Variants in LMX1B observed in about 807,000 individuals in gnomAD.
LMX1B encodes LIM homeobox transcription factor 1 beta, also known as LIM homeobox transcription factor 1-beta.
A neutral mutation model predicts 51.4 loss-of-function variants in LMX1B; 12 were observed. That is an observed-to-expected ratio of 0.23 (90% CI 0.15 to 0.38). The LOEUF is 0.38. Ranked by LOEUF, LMX1B falls within the 10% of genes least tolerant of loss-of-function variation. LMX1B has a pLI of 1.00. For missense variants in LMX1B, 445 were observed against 571.1 expected, an observed-to-expected ratio of 0.78 and a Z score of 2.25; for synonymous variants, 237 against 235.4, an observed-to-expected ratio of 1.01 and a Z score of -0.06.
rs1320101032 is a variant in LMX1B, at chr9:126,697,465, TA to T, written c.*1015del. 2 of 152,608 alleles carry T rather than the reference TA, an allele frequency of 1.3e-5. No individual in the cohort carries two copies. Among genetic ancestry groups the T allele is most frequent in the Non-Finnish European group, 2.9e-5 (2 of 68,344 alleles). The allele number at this position is 152,608 out of a possible 1,614,324, so 9.5% of individuals were successfully genotyped here. Reference sequence around the variant, plus strand: ...CCAGCCACCTCTGCCTCCCCTCACATACCTCCAGTGACAAGGAGCTCACTAG... The same window carrying T: ...CCAGCCACCTCTGCCTCCCCTCACATCCTCCAGTGACAAGGAGCTCACTAG... On this transcript the variant is annotated 3_prime_UTR_variant, in exon 8 of 8. Coordinates refer to ENST00000373474, the MANE Select transcript of LMX1B (RefSeq NM_001174147.2).
At chr9:126,675,496 G>A (rs1836537187) in intron 2 of LMX1B, among the ~76,000 whole-genome samples, 1 of 152,056 alleles carries the variant, frequency 6.6e-6, no homozygotes, top group Non-Finnish European at 1.5e-5. Context: ...GGAGGCCGAG[G>A]CGGGCGGATC....
At chr9:126,635,873 T>C (rs1253054964) in intron 2 of LMX1B, among the ~76,000 whole-genome samples, 1 of 152,202 alleles carries the variant, frequency 6.6e-6, no homozygotes, top group Admixed American at 6.5e-5. Flanking sequence ...GAGGCTTAAC[T>C]GAACACTTGC....
chr9:126,654,063 T>C (rs1836068142), intron 2 of LMX1B, among the ~76,000 whole-genome samples: 1 of 152,146 alleles, frequency 6.6e-6, no homozygotes, highest in Non-Finnish European at 1.5e-5. Context: ...ATTCTTAGGA[T>C]AAGAATGTGG....
rs144294711 is a variant in LMX1B at position 126,645,091 on chromosome 9, C to T, written c.326+29522C>T. Among the ~76,000 whole-genome samples, 10 of 152,296 alleles carry T rather than the reference C, an allele frequency of 6.6e-5. 1 individual carries two copies. The highest frequency in any genetic ancestry group is 1.3e-4 in the Admixed American group (2 of 15,304). On this transcript the variant is annotated intron_variant, in intron 2 of 7. Coordinates refer to ENST00000373474, the MANE Select transcript of LMX1B (RefSeq NM_001174147.2). ...TGTGTTGTTCCAGCTCGCTTTGAAT[C>T]GCGTTCATCTGGCTGGGTTCCCCCC...
intron 2 of LMX1B, among the ~76,000 whole-genome samples, chr9:126,653,733 C>T (rs1836063090): frequency 6.6e-6 from 1 of 152,122 alleles, no homozygotes; most frequent in South Asian, 2.1e-4. Context: ...TTCATGACCA[C>T]ACTCAGCTCC....
At chr9:126,637,822 T>TG (rs1564151130) in intron 2 of LMX1B, among the ~76,000 whole-genome samples, 4 of 92,054 alleles carry the variant, frequency 4.3e-5, no homozygotes, top group Non-Finnish European at 8.7e-5. Context: ...GTGCCTGTCC[T>TG]CCCCCCCCCC....
At chr9:126,681,616 C>A (rs116568277) in intron 2 of LMX1B, among the ~76,000 whole-genome samples, 2,284 of 152,180 alleles carry the variant, frequency 0.015, 70 homozygotes, top group African/African-American at 0.052. Flanking sequence ...AAATGCCAAT[C>A]AGAGGCGGAC....
intron 2 of LMX1B, among the ~76,000 whole-genome samples, chr9:126,674,801 C>T (rs984161199): frequency 1.3e-5 from 2 of 152,208 alleles, no homozygotes; most frequent in Non-Finnish European, 2.9e-5. Context: ...AGCCAGGACC[C>T]GCTGTGCCTC....
chr9:126,628,565 G>T (rs576115294), intron 2 of LMX1B, among the ~76,000 whole-genome samples: 64 of 152,266 alleles, frequency 4.2e-4, no homozygotes, highest in African/African-American at 1.5e-3. Context: ...GAATCTCTAC[G>T]CTGCGAAACA....
chr9:126,627,919 A>T (rs770618380), intron 2 of LMX1B, among the ~76,000 whole-genome samples: 2 of 152,096 alleles, frequency 1.3e-5, no homozygotes, highest in East Asian at 3.9e-4. Flanking sequence ...TGGCTTTAAC[A>T]CTGGCCTACT....
chr9:126,655,203 G>A (rs1441415809), intron 2 of LMX1B, among the ~76,000 whole-genome samples: 1 of 152,230 alleles, frequency 6.6e-6, no homozygotes, highest in Non-Finnish European at 1.5e-5. Flanking sequence ...CCACTGTCAG[G>A]AGGTTGTCCG....
intron 2 of LMX1B, among the ~76,000 whole-genome samples, chr9:126,663,965 TATCTC>T (rs1836291592): frequency 6.6e-6 from 1 of 152,254 alleles, no homozygotes; most frequent in Non-Finnish European, 1.5e-5. Context: ...TTGCTGCTCT[TATCTC>T]TGCCTGGTAT....
In LMX1B at chr9:126,698,894, C is replaced by A. The variant is rs1439340573; in HGVS notation, c.*2443C>A. On this transcript the variant is annotated 3_prime_UTR_variant, in exon 8 of 8. Coordinates refer to ENST00000373474, the MANE Select transcript of LMX1B (RefSeq NM_001174147.2). ...CCATTGGGCCCCAGCAGCCAGCTAG[C>A]CCTTCTGCAGCTCTTCTTACAAACA... The A allele has an allele frequency of 6.6e-6, 1 of 152,358 alleles. No individual in the cohort carries two copies. The highest frequency in any genetic ancestry group is 1.9e-4 in the East Asian group (1 of 5,194). The allele number at this position is 152,358 out of a possible 1,614,324, so 9.4% of individuals were successfully genotyped here.
intron 2 of LMX1B, among the ~76,000 whole-genome samples, chr9:126,666,064 C>CCCTCAGGCAGCTTCTATGG (rs1210348090): frequency 6.6e-6 from 1 of 152,258 alleles, no homozygotes; most frequent in Admixed American, 6.5e-5. Context: ...GCCTCAGTAA[C>CCCTCAGGCAGCTTCTATGG]CCTCAGAACA....
chr9:126,693,348 C>T (rs760660536), intron 4 of LMX1B, 25 bp downstream of exon 4: 3 of 1,579,790 alleles, frequency 1.9e-6, no homozygotes, highest in East Asian at 2.3e-5. Flanking sequence ...GGGGGCGGGG[C>T]TCAGGCTGAT....
At position 126,696,286 on chromosome 9, in the gene LMX1B, C is replaced by T. The variant is rs749808946; in HGVS notation, c.1052-8C>T. ...TACCCCGGTCCTGACACCCCTTCTGCCCCCCAGGGAACGACTCCATCTTCC... is the reference window on the plus strand; with the variant it reads ...TACCCCGGTCCTGACACCCCTTCTGTCCCCCAGGGAACGACTCCATCTTCC... On this transcript the variant is annotated splice_region_variant and splice_polypyrimidine_tract_variant and intron_variant, in intron 7 of 7. Transcript: ENST00000373474. 19 of 1,613,624 alleles carry T rather than the reference C, an allele frequency of 1.2e-5. No individual in the cohort carries two copies. Among genetic ancestry groups the T allele is most frequent in the Admixed American group, 5.0e-5 (3 of 60,008 alleles).
At chr9:126,694,559 T>C (rs551975118) in intron 6 of LMX1B, among the ~76,000 whole-genome samples, 7 of 152,240 alleles carry the variant, frequency 4.6e-5, no homozygotes, top group African/African-American at 1.7e-4. Context: ...TTCAAAGCCA[T>C]GAGGGAGGAG....
Position 126,658,021 on chromosome 9 carries a change from C to G in LMX1B, c.327-32815C>G, listed in dbSNP as rs1340489472. ...AGAAGAGGCTGGGCAAGAGGCCCTA[C>G]TTAGGTCCTTGCTTGGGGGAATAAG... On this transcript the variant is annotated intron_variant, in intron 2 of 7. Transcript: ENST00000373474. This position sits in a 1 kb window ranked among gnomAD's most constrained non-coding sequence, Gnocchi z 4.0. Among the ~76,000 whole-genome samples the G allele has an allele frequency of 1.3e-5, 2 of 152,144 alleles. No individual in the cohort carries two copies. The highest frequency in any genetic ancestry group is 2.4e-5 in the African/African-American group (1 of 41,422).
At chr9:126,669,795 AAGG>A (rs1836416731) in intron 2 of LMX1B, among the ~76,000 whole-genome samples, 1 of 152,076 alleles carries the variant, frequency 6.6e-6, no homozygotes, top group African/African-American at 2.4e-5. Context: ...CAGGGCAGAA[AAGG>A]AGGTCATCAG....
Sources: gnomAD v4.1 joint callset for allele counts (sites outside exome capture counted in the v4.1 genomes callset) on GRCh38, gnomAD v4.1.1 for gene constraint, Gnocchi (gnomAD v3.1) non-coding constraint, MANE v1.5 for transcripts, NCBI Gene and HGNC (gene_info 2026-07-23, HGNC 2026-07-21) for gene names.